The following RBM6 variants were observed in gnomAD, a reference collection of about 807,000 sequenced individuals.
The protein encoded by RBM6 is RNA binding motif protein 6.
A neutral mutation model predicts 140.4 loss-of-function variants in RBM6; 23 were observed. That is an observed-to-expected ratio of 0.16 (90% CI 0.12 to 0.23). The LOEUF is 0.23. Among genes scored for constraint, RBM6 ranks in the 10% least tolerant of loss-of-function variants. RBM6 has a pLI of 1.00. For synonymous variants in RBM6, 439 were observed against 475.6 expected, an observed-to-expected ratio of 0.92 and a Z score of 1.00; for missense variants, 1,139 against 1,386.7, an observed-to-expected ratio of 0.82 and a Z score of 2.84.
intron 6 of RBM6, among the ~76,000 whole-genome samples, chr3:50,001,060 C>T (rs1301122017): frequency 1.3e-5 from 2 of 152,178 alleles, no homozygotes; most frequent in African/African-American, 4.8e-5. Flanking sequence ...ATCACTGAAT[C>T]ACTTACCAAA....
At chr3:49,983,713 AG>A (rs2085414374) in intron 5 of RBM6, among the ~76,000 whole-genome samples, 1 of 152,220 alleles carries the variant, frequency 6.6e-6, no homozygotes. Flanking sequence ...GAGTCCTATC[AG>A]GTTTGATACA....
chr3:49,954,596 A>T (rs2083889338), intron 1 of RBM6, among the ~76,000 whole-genome samples: 1 of 151,568 alleles, frequency 6.6e-6, no homozygotes, highest in Admixed American at 6.6e-5. Context: ...ATAGACTCTT[A>T]ATTCTGTTTC....
At chr3:50,032,862 G>A (rs2088262563) in intron 6 of RBM6, among the ~76,000 whole-genome samples, 1 of 151,832 alleles carries the variant, frequency 6.6e-6, no homozygotes, top group Non-Finnish European at 1.5e-5. Flanking sequence ...GTGCATGCCT[G>A]TAATTCCAGC....
intron 5 of RBM6, among the ~76,000 whole-genome samples, chr3:49,982,276 T>C (rs894239806): frequency 1.0e-4 from 15 of 145,442 alleles, no homozygotes; most frequent in Non-Finnish European, 1.5e-4. Context: ...TTTTTTTTTT[T>C]TTTTTTTTTT....
At chr3:50,074,519 C>T (rs1264360390) in intron 19 of RBM6, among the ~76,000 whole-genome samples, 1 of 151,976 alleles carries the variant, frequency 6.6e-6, no homozygotes, top group Non-Finnish European at 1.5e-5. Context: ...CAGGGTTTCT[C>T]CATGTTGGTC....
intron 6 of RBM6, among the ~76,000 whole-genome samples, chr3:50,033,826 G>GGTAAAAA (rs2088334126): frequency 2.6e-5 from 4 of 152,036 alleles, no homozygotes; most frequent in Admixed American, 2.6e-4. Flanking sequence ...ATTTTTAGTA[G>GGTAAAAA]AGATGGGGTT....
intron 6 of RBM6, among the ~76,000 whole-genome samples, chr3:50,026,004 C>G (rs2087794763): frequency 6.6e-6 from 1 of 151,992 alleles, no homozygotes; most frequent in Non-Finnish European, 1.5e-5. Context: ...CGAGGCAGAA[C>G]TGCTTGGAGA....
chr3:50,055,245 T>C (rs1345222605), intron 8 of RBM6, among the ~76,000 whole-genome samples: 1 of 152,172 alleles, frequency 6.6e-6, no homozygotes, highest in Non-Finnish European at 1.5e-5. Flanking sequence ...CTGACCAACA[T>C]GCCGAAACCC....
chr3:49,979,900 G>A (rs997061113), intron 5 of RBM6, among the ~76,000 whole-genome samples: 1 of 152,014 alleles, frequency 6.6e-6, no homozygotes, highest in African/African-American at 2.4e-5. Context: ...GGAATTTTTG[G>A]GTATAATGGA....
intron 1 of RBM6, among the ~76,000 whole-genome samples, chr3:49,961,780 CAG>C (rs1330980837): frequency 4.7e-5 from 7 of 147,484 alleles, no homozygotes; most frequent in East Asian, 2.0e-4. Flanking sequence ...GCCTGGGCGA[CAG>C]AGAGAGATTC....
intron 6 of RBM6, among the ~76,000 whole-genome samples, chr3:50,037,944 C>T (rs2088643872): frequency 6.6e-6 from 1 of 151,696 alleles, no homozygotes; most frequent in Admixed American, 6.6e-5. Context: ...GCCTCAGCCT[C>T]CTGAGTAGCT....
At chr3:49,955,860 CTGTGTG>C (rs146300035) in intron 1 of RBM6, among the ~76,000 whole-genome samples, 1 of 145,476 alleles carries the variant, frequency 6.9e-6, no homozygotes. Context: ...CTCTCTCTCT[CTGTGTG>C]TGTGTGTGTG....
intron 16 of RBM6, 136 bp from the exon 17 acceptor site, chr3:50,066,106 G>GA (rs1326381123): frequency 2.0e-5 from 19 of 968,236 alleles, no homozygotes; most frequent in Non-Finnish European, 2.8e-5. Context: ...TTTCATCTGG[G>GA]AAATGAGCAG....
intron 1 of RBM6, among the ~76,000 whole-genome samples, chr3:49,947,081 C>CAAAAAAA (rs1186088231): frequency 2.8e-5 from 3 of 106,032 alleles, no homozygotes; most frequent in East Asian, 4.4e-4. Context: ...ACTAAAAATA[C>CAAAAAAA]AAAAAAAAAA....
chr3:50,028,265 C>T (rs1433729719), intron 6 of RBM6, among the ~76,000 whole-genome samples: 2 of 152,080 alleles, frequency 1.3e-5, no homozygotes, highest in Non-Finnish European at 2.9e-5. Flanking sequence ...GCCTGTGTGT[C>T]TGTTAGTGCT....
At chr3:50,074,355 C>G (rs921074023) in intron 19 of RBM6, among the ~76,000 whole-genome samples, 1 of 148,888 alleles carries the variant, frequency 6.7e-6, no homozygotes, top group Admixed American at 6.7e-5. Flanking sequence ...GAGTTTCACT[C>G]TTGTTGCCCA....
chr3:50,048,671 A>T (rs2089327540), intron 7 of RBM6, among the ~76,000 whole-genome samples: 1 of 152,160 alleles, frequency 6.6e-6, no homozygotes, highest in Non-Finnish European at 1.5e-5. Flanking sequence ...AGGTTTGGAG[A>T]GACTAGTTCT....
chr3:50,012,023 T>TG (rs1431379981), intron 6 of RBM6, among the ~76,000 whole-genome samples: 1 of 151,650 alleles, frequency 6.6e-6, no homozygotes. Context: ...AGCTAATTTT[T>TG]TATTTTTTGT....
chr3:49,960,330 T>G (rs1226897780), intron 1 of RBM6, among the ~76,000 whole-genome samples: 1 of 152,204 alleles, frequency 6.6e-6, no homozygotes, highest in Non-Finnish European at 1.5e-5. Context: ...TGGCTTTTTC[T>G]TCATTGGATA....
Sources: allele counts gnomAD v4.1 joint callset (sites outside exome capture counted in the v4.1 genomes callset), GRCh38; gene constraint gnomAD v4.1.1; transcripts MANE v1.5; gene names NCBI Gene and HGNC (gene_info 2026-07-23, HGNC 2026-07-21).